The following CCSER1 variants were observed in gnomAD, a reference collection of about 807,000 sequenced individuals.
CCSER1 encodes the protein serine-rich coiled-coil domain-containing protein 1.
In CCSER1, 41 loss-of-function variants were observed where a neutral mutation model predicts 82.0. The ratio of observed to expected loss-of-function variants is 0.50; its 90% confidence interval spans 0.39 to 0.65. The LOEUF (loss-of-function observed/expected upper bound fraction) is 0.65, where lower values mean the gene tolerates loss of function less well. Ranked by LOEUF, CCSER1 falls within the 30% of genes least tolerant of loss-of-function variation. CCSER1 has a pLI of 0.00. For missense variants in CCSER1, 1,119 were observed against 1,064.2 expected, an observed-to-expected ratio of 1.05 and a Z score of -0.72; for synonymous variants, 414 against 383.9, an observed-to-expected ratio of 1.08 and a Z score of -0.92.
In CCSER1 at chr4:90,724,072, G is replaced by A. The variant is rs1003473760; in HGVS notation, c.2010+81G>A. The A allele has an allele frequency of 2.2e-5, 18 of 836,846 alleles. No individual in the cohort carries two copies. The African/African-American group carries it at 2.8e-4, about 13-fold the overall frequency. The allele number at this position is 836,846 out of a possible 1,614,324, so 51.8% of individuals were successfully genotyped here. A position where few individuals can be genotyped will look rare whatever the true frequency, so the allele number is the denominator to read the frequency against. ...AGTTTAAAATAGTTTATGTGTAGAT[G>A]GTGAAGTGAACTGCTTTAATCTTCA... On this transcript the variant is annotated intron_variant, in intron 7 of 10. Coordinates refer to ENST00000509176, the MANE Select transcript of CCSER1 (RefSeq NM_001145065.2).
chr4:91,403,188 T>A (rs1752456866), intron 10 of CCSER1, among the ~76,000 whole-genome samples: 2 of 152,184 alleles, frequency 1.3e-5, no homozygotes, highest in Admixed American at 1.3e-4. Context: ...ATGGTTTGGA[T>A]CTCTGTTTGT....
chr4:90,703,201 A>G (rs570846719), intron 6 of CCSER1, among the ~76,000 whole-genome samples: 3 of 152,104 alleles, frequency 2.0e-5, no homozygotes, highest in Non-Finnish European at 4.4e-5. Context: ...TCAAAGAACA[A>G]CTTTATTTCT....
chr4:90,170,050 T>A (rs1731333399), intron 1 of CCSER1, among the ~76,000 whole-genome samples: 1 of 151,984 alleles, frequency 6.6e-6, no homozygotes, highest in African/African-American at 2.4e-5. Flanking sequence ...TCTGATTTCC[T>A]TATTCATTTA....
intron 10 of CCSER1, among the ~76,000 whole-genome samples, chr4:91,279,550 G>T (rs1234853069): frequency 2.0e-5 from 3 of 151,762 alleles, no homozygotes; most frequent in Non-Finnish European, 4.4e-5. Context: ...TGAGCATTTT[G>T]TATTTCATTC....
In CCSER1 at chr4:91,308,827, T is replaced by A. The variant is rs565017878; in HGVS notation, c.2217+222833T>A. ...AGGGAAATATTTGGGAGCCCTAGATTTTTTTTAACACAGGAGCAACCAAAT... is the reference window on the plus strand; with the variant it reads ...AGGGAAATATTTGGGAGCCCTAGATATTTTTTAACACAGGAGCAACCAAAT... On this transcript the variant is annotated intron_variant, in intron 10 of 10. Transcript: ENST00000509176. Among the ~76,000 whole-genome samples, 19 of 152,058 alleles carry A rather than the reference T, an allele frequency of 1.2e-4. No homozygotes were observed. The South Asian group carries it at 3.9e-3, about 32-fold the overall frequency.
chr4:91,435,262 A>G (rs527397509), intron 10 of CCSER1, among the ~76,000 whole-genome samples: 1 of 152,210 alleles, frequency 6.6e-6, no homozygotes, highest in South Asian at 2.1e-4. Context: ...CAAGATGATG[A>G]AACTCTGTCT....
At chr4:91,377,189 G>C (rs556482220) in intron 10 of CCSER1, among the ~76,000 whole-genome samples, 36 of 152,224 alleles carry the variant, frequency 2.4e-4, no homozygotes, top group African/African-American at 8.2e-4. Context: ...TTGCTATTGT[G>C]AATAGTGCCG....
intron 8 of CCSER1, among the ~76,000 whole-genome samples, chr4:90,905,708 A>G (rs1191425881): frequency 6.6e-6 from 1 of 152,098 alleles, no homozygotes; most frequent in East Asian, 1.9e-4. Context: ...CTTTGCTTAC[A>G]ACTCTCTATG....
chr4:90,942,204 C>T (rs924605113), intron 9 of CCSER1, among the ~76,000 whole-genome samples: 41 of 152,222 alleles, frequency 2.7e-4, no homozygotes, highest in East Asian at 1.9e-4. Context: ...CCCACCACCT[C>T]GGTCTCCCAA....
At chr4:91,446,095 G>A (rs927709858) in intron 10 of CCSER1, among the ~76,000 whole-genome samples, 11 of 152,076 alleles carry the variant, frequency 7.2e-5, no homozygotes, top group Admixed American at 1.3e-4. Flanking sequence ...CTTTTGTAAT[G>A]TTTTATTGTG....
intron 6 of CCSER1, among the ~76,000 whole-genome samples, chr4:90,645,384 TCGTAG>T (rs1256499730): frequency 2.6e-5 from 4 of 152,216 alleles, no homozygotes; most frequent in African/African-American, 7.2e-5. Flanking sequence ...GTAATGATAT[TCGTAG>T]CTTCTATTTG....
At chr4:90,250,643 T>A (rs1560878609) in intron 1 of CCSER1, among the ~76,000 whole-genome samples, 1 of 152,140 alleles carries the variant, frequency 6.6e-6, no homozygotes, top group Admixed American at 6.6e-5. Flanking sequence ...AATTGGAAAC[T>A]GTGTGTTCAC....
intron 7 of CCSER1, among the ~76,000 whole-genome samples, chr4:90,748,625 A>G (rs1410635706): frequency 6.8e-6 from 1 of 147,490 alleles, no homozygotes; most frequent in Non-Finnish European, 1.5e-5. Context: ...GACTTCCACA[A>G]TGGTTGAACT....
rs1763584599 is a variant in CCSER1 at position 91,578,794 on chromosome 4, G to T, written c.2218-19778G>T. On this transcript the variant is annotated intron_variant, in intron 10 of 10. Coordinates refer to ENST00000509176, the MANE Select transcript of CCSER1 (RefSeq NM_001145065.2). ...TTGTATTAACAATATTGATTATTCT[G>T]CAGCTGGCAGTAGAATGTGGTTCAG... Among the ~76,000 whole-genome samples, 3 of 151,784 alleles carry T rather than the reference G, an allele frequency of 2.0e-5. No homozygotes were observed. The South Asian group carries it at 6.2e-4, about 32-fold the overall frequency.
Position 91,297,385 on chromosome 4 carries a change from ATGTGTGTGTGTG to A in CCSER1, c.2217+211419_2217+211430del, listed in dbSNP as rs57164334. Among the ~76,000 whole-genome samples, 376 of 117,972 alleles carry A rather than the reference ATGTGTGTGTGTG, an allele frequency of 3.2e-3. 1 individual carries two copies. The highest frequency in any genetic ancestry group is 9.3e-3 in the East Asian group (39 of 4,202). 77.4% of individuals were successfully genotyped at this position (117,972 alleles called of 152,430 possible). A position where few individuals can be genotyped will look rare whatever the true frequency, so the allele number is the denominator to read the frequency against. ...GATGCTTGTGTGTGTGTGTGTGTGT[ATGTGTGTGTGTG>A]TGTGTGTGTGTGTGTGTGTGTGTGT... On this transcript the variant is annotated intron_variant, in intron 10 of 10. Coordinates refer to ENST00000509176, the MANE Select transcript of CCSER1 (RefSeq NM_001145065.2).
At chr4:90,484,662 C>G (rs867206288) in intron 5 of CCSER1, among the ~76,000 whole-genome samples, 2 of 152,312 alleles carry the variant, frequency 1.3e-5, no homozygotes, top group Admixed American at 1.3e-4. Flanking sequence ...GCCTGGGTAT[C>G]AGCAGCGGTG....
At chr4:90,489,005 A>C (rs1029157625) in intron 5 of CCSER1, among the ~76,000 whole-genome samples, 3 of 152,216 alleles carry the variant, frequency 2.0e-5, no homozygotes, top group African/African-American at 7.2e-5. Flanking sequence ...AATCATAAAT[A>C]TAACAACTTG....
chr4:90,605,258 C>T (rs1220577970), intron 5 of CCSER1, among the ~76,000 whole-genome samples: 1 of 152,312 alleles, frequency 6.6e-6, no homozygotes, highest in East Asian at 1.9e-4. Flanking sequence ...CAGCTTCATT[C>T]TTGAAGTCAG....
intron 10 of CCSER1, among the ~76,000 whole-genome samples, chr4:91,146,762 C>T (rs1168564232): frequency 6.6e-6 from 1 of 152,066 alleles, no homozygotes; most frequent in Non-Finnish European, 1.5e-5. Context: ...TGGGCTTTCA[C>T]AGGTGTTGTA....
Sources: allele counts gnomAD v4.1 joint callset (sites outside exome capture counted in the v4.1 genomes callset), GRCh38; gene constraint gnomAD v4.1.1; transcripts MANE v1.5; gene names NCBI Gene and HGNC (gene_info 2026-07-23, HGNC 2026-07-21).